The following SYT1 variants were observed in gnomAD, a reference collection of about 807,000 sequenced individuals.
SYT1 encodes the protein synaptotagmin 1.
In SYT1, 8 loss-of-function variants were observed where a neutral mutation model predicts 44.8. The observed-to-expected ratio is 0.18, with a 90% CI of 0.10 to 0.32. The LOEUF (loss-of-function observed/expected upper bound fraction) is 0.32, where lower values mean the gene tolerates loss of function less well. SYT1 is among the 10% of genes least tolerant of loss of function. SYT1 has a pLI of 1.00. For synonymous variants in SYT1, 154 were observed against 188.8 expected, an observed-to-expected ratio of 0.82 and a Z score of 1.51; for missense variants, 286 against 509.3, an observed-to-expected ratio of 0.56 and a Z score of 4.22.
chr12:79,026,668 TATATA>T (rs951460825), intron 2 of SYT1, among the ~76,000 whole-genome samples: 21 of 6,510 alleles, frequency 3.2e-3, no homozygotes, highest in Non-Finnish European at 6.6e-3. Flanking sequence ...ATATATATTT[TATATA>T]TATATATATA....
intron 9 of SYT1, among the ~76,000 whole-genome samples, chr12:79,368,362 G>T (rs1883640013): frequency 6.6e-6 from 1 of 152,088 alleles, no homozygotes; most frequent in Non-Finnish European, 1.5e-5. Flanking sequence ...AAACATACGT[G>T]TGCATGTGTC....
rs375902411 is a variant in SYT1, at chr12:79,331,423, T to C, written c.811-22079T>C. 2.6e-5 allele frequency among the ~76,000 whole-genome samples: 4 copies of C among 152,210 alleles called. No individual in the cohort carries two copies. In the East Asian group the frequency reaches 7.7e-4, roughly 29 times the overall value. On this transcript the variant is annotated intron_variant, in intron 8 of 10. Coordinates refer to ENST00000261205, the MANE Select transcript of SYT1 (RefSeq NM_005639.3). Reference sequence around the variant, plus strand: ...TTTTCAGATAACACAATTGTGCATATACTCTTTTCAGCTTTAAATTCAAAA... The same window carrying C: ...TTTTCAGATAACACAATTGTGCATACACTCTTTTCAGCTTTAAATTCAAAA...
At chr12:79,370,626 G>A (rs1883745601) in intron 9 of SYT1, among the ~76,000 whole-genome samples, 1 of 152,254 alleles carries the variant, frequency 6.6e-6, no homozygotes, top group Admixed American at 6.5e-5. Context: ...AGCCGGGCAT[G>A]GTGACGGGCG....
At chr12:78,971,462 A>T (rs555403110) in intron 1 of SYT1, among the ~76,000 whole-genome samples, 1 of 152,158 alleles carries the variant, frequency 6.6e-6, no homozygotes, top group Admixed American at 6.5e-5. Context: ...AAAAGAGTAG[A>T]TGCATTGTTC....
intron 9 of SYT1, among the ~76,000 whole-genome samples, chr12:79,373,994 A>G (rs1356231137): frequency 6.6e-6 from 1 of 152,230 alleles, no homozygotes; most frequent in Non-Finnish European, 1.5e-5. Flanking sequence ...CTATAAACCA[A>G]TTTAACTGGG....
chr12:79,205,252 G>A (rs913829835), intron 3 of SYT1, among the ~76,000 whole-genome samples: 6 of 152,012 alleles, frequency 3.9e-5, no homozygotes, highest in Non-Finnish European at 5.9e-5. Flanking sequence ...GTGAGCCACC[G>A]CACCCGGCCT....
intron 3 of SYT1, among the ~76,000 whole-genome samples, chr12:79,079,269 T>C (rs1020698636): frequency 6.6e-6 from 1 of 152,098 alleles, no homozygotes; most frequent in Non-Finnish European, 1.5e-5. Context: ...ACAGTAATAA[T>C]TTTACTTTGA....
At chr12:79,204,990 A>G in intron 3 of SYT1, among the ~76,000 whole-genome samples, 1 of 92,064 alleles carries the variant, frequency 1.1e-5, no homozygotes, top group Non-Finnish European at 2.0e-5. Context: ...TTTGAGACGG[A>G]GTCTCTCTTT....
At chr12:79,442,529 T>C (rs1202718900) in intron 9 of SYT1, among the ~76,000 whole-genome samples, 1 of 152,172 alleles carries the variant, frequency 6.6e-6, no homozygotes, top group Non-Finnish European at 1.5e-5. Flanking sequence ...TATATCCTAG[T>C]AATGCAGTCT....
At chr12:78,979,909 TA>T (rs1869120626) in intron 2 of SYT1, among the ~76,000 whole-genome samples, 1 of 152,080 alleles carries the variant, frequency 6.6e-6, no homozygotes, top group Non-Finnish European at 1.5e-5. Context: ...ATATTTTATA[TA>T]TCTAATAAAC....
intron 3 of SYT1, among the ~76,000 whole-genome samples, chr12:79,196,177 TG>T (rs1873445959): frequency 7.1e-6 from 1 of 140,796 alleles, no homozygotes; most frequent in Non-Finnish European, 1.6e-5. Flanking sequence ...TTGTTGTTGT[TG>T]TTGTTGTTGA....
chr12:79,105,898 A>AG (rs1878691522), intron 3 of SYT1, among the ~76,000 whole-genome samples: 1 of 151,912 alleles, frequency 6.6e-6, no homozygotes, highest in South Asian at 2.1e-4. Context: ...AAAAAAAAAA[A>AG]AAAGGCAATT....
At chr12:79,172,988 AAAAAAAAAAAAAAAAAAAG>A (rs1192195727) in intron 3 of SYT1, among the ~76,000 whole-genome samples, 5 of 143,364 alleles carry the variant, frequency 3.5e-5, no homozygotes, top group African/African-American at 5.3e-5. Flanking sequence ...AAAAAAAAAA[AAAAAAAAAAAAAAAAAAAG>A]GGAGTTTGGC....
At chr12:79,141,822 T>C (rs1046962925) in intron 3 of SYT1, among the ~76,000 whole-genome samples, 2 of 152,214 alleles carry the variant, frequency 1.3e-5, no homozygotes, top group Non-Finnish European at 2.9e-5. Flanking sequence ...CCATATTTTC[T>C]AAGAAACGTC....
intron 3 of SYT1, among the ~76,000 whole-genome samples, chr12:79,089,743 T>C (rs1877641608): frequency 6.6e-6 from 1 of 152,092 alleles, no homozygotes; most frequent in African/African-American, 2.4e-5. Flanking sequence ...CATACCAGAA[T>C]TGAGAGCAAA....
intron 7 of SYT1, among the ~76,000 whole-genome samples, chr12:79,298,821 T>C (rs772310964): frequency 1.3e-5 from 2 of 152,160 alleles, no homozygotes; most frequent in Non-Finnish European, 2.9e-5. Context: ...TCAGTTCTTG[T>C]CAATCAGCAA....
intron 1 of SYT1, among the ~76,000 whole-genome samples, chr12:78,934,467 G>A (rs899288652): frequency 6.6e-6 from 1 of 152,102 alleles, no homozygotes; most frequent in Admixed American, 6.6e-5. Flanking sequence ...AGCCTGTGGG[G>A]TTGAGGCTGC....
intron 8 of SYT1, among the ~76,000 whole-genome samples, chr12:79,310,994 G>A (rs1198105585): frequency 6.6e-6 from 1 of 152,196 alleles, no homozygotes; most frequent in Admixed American, 6.5e-5. Flanking sequence ...TTTCCTAATT[G>A]AATACGCTTT....
chr12:78,973,063 G>A (rs117016751), intron 1 of SYT1, among the ~76,000 whole-genome samples: 2,769 of 152,034 alleles, frequency 0.018, 40 homozygotes, highest in Non-Finnish European at 0.028. Flanking sequence ...TTGCCCAATC[G>A]GGTTTTATTT....
Sources: gnomAD v4.1 joint callset for allele counts (sites outside exome capture counted in the v4.1 genomes callset) on GRCh38, gnomAD v4.1.1 for gene constraint, MANE v1.5 for transcripts, NCBI Gene and HGNC (gene_info 2026-07-23, HGNC 2026-07-21) for gene names.